The following TMEM131L variants were observed in gnomAD, a reference collection of about 807,000 sequenced individuals.
The protein encoded by TMEM131L is transmembrane protein 131-like.
In TMEM131L, 54 loss-of-function variants were observed where a neutral mutation model predicts 192.2. The observed-to-expected ratio is 0.28, with a 90% CI of 0.23 to 0.35. The LOEUF (loss-of-function observed/expected upper bound fraction) is 0.35, where lower values mean the gene tolerates loss of function less well. Among genes scored for constraint, TMEM131L ranks in the 10% least tolerant of loss-of-function variants. The probability of loss-of-function intolerance (pLI) is 1.00; values close to 1 mark genes in which losing one functional copy is unlikely to be tolerated. For synonymous variants in TMEM131L, 701 were observed against 704.9 expected, an observed-to-expected ratio of 0.99 and a Z score of 0.09; for missense variants, 1,888 against 1,972.9, an observed-to-expected ratio of 0.96 and a Z score of 0.82.
At chr4:153,504,558 G>C (rs763954513) in intron 3 of TMEM131L, among the ~76,000 whole-genome samples, 24 of 152,136 alleles carry the variant, frequency 1.6e-4, no homozygotes, top group Non-Finnish European at 3.2e-4. Flanking sequence ...AAAGTGCTGG[G>C]ATTACAGGCG....
chr4:153,532,341 G>A (rs1013151599), intron 3 of TMEM131L, among the ~76,000 whole-genome samples: 3 of 151,178 alleles, frequency 2.0e-5, no homozygotes, highest in Admixed American at 6.6e-5. Flanking sequence ...TGTGTGAGAA[G>A]ATGCATCTGT....
At chr4:153,498,107 G>GT (rs1287788853) in intron 3 of TMEM131L, among the ~76,000 whole-genome samples, 3 of 152,174 alleles carry the variant, frequency 2.0e-5, no homozygotes, top group African/African-American at 7.2e-5. Flanking sequence ...CTGAGTTTAT[G>GT]TAAGTTTGAG....
intron 2 of TMEM131L, among the ~76,000 whole-genome samples, chr4:153,467,711 C>G (rs1730862700): frequency 6.6e-6 from 1 of 152,210 alleles, no homozygotes; most frequent in Admixed American, 6.5e-5. Context: ...GGAGATGTGA[C>G]TCTCAAGGAT....
At position 153,593,875 on chromosome 4, in the gene TMEM131L, G is replaced by A; in HGVS notation, c.1995+4G>A. The A allele has an allele frequency of 6.2e-7, 1 of 1,603,238 alleles. No individual in the cohort carries two copies. On this transcript the variant is annotated splice_donor_region_variant and intron_variant, in intron 19 of 34. Transcript: ENST00000409959. ...CACCGAAGCTTGCCCTTACCTGGTA[G>A]GATGTTATCCTAAAACAGAAAAAAG... is the stretch of plus-strand genomic sequence containing the variant.
chr4:153,610,390 CTTTA>C (rs1337891914), intron 25 of TMEM131L, among the ~76,000 whole-genome samples: 1 of 152,074 alleles, frequency 6.6e-6, no homozygotes, highest in African/African-American at 2.4e-5. Flanking sequence ...TGCCATGATG[CTTTA>C]TTTTATTTAT....
chr4:153,548,450 G>A (rs1263024362), intron 3 of TMEM131L, among the ~76,000 whole-genome samples: 3 of 152,032 alleles, frequency 2.0e-5, no homozygotes, highest in Non-Finnish European at 4.4e-5. Flanking sequence ...GACTACAGGC[G>A]CCCGCCACCA....
chr4:153,599,946 GA>G (rs1426694583), intron 21 of TMEM131L, among the ~76,000 whole-genome samples: 1 of 152,172 alleles, frequency 6.6e-6, no homozygotes, highest in Non-Finnish European at 1.5e-5. Flanking sequence ...GCTGAGAGAG[GA>G]GAATCTCTTG....
At chr4:153,609,236 A>C (rs1406159129) in intron 25 of TMEM131L, among the ~76,000 whole-genome samples, 2 of 152,118 alleles carry the variant, frequency 1.3e-5, no homozygotes, top group Admixed American at 1.3e-4. Context: ...GTTATGGTGG[A>C]GGGGTAAAGG....
At chr4:153,629,416 C>T (rs1561260339) in intron 31 of TMEM131L, among the ~76,000 whole-genome samples, 3 of 152,194 alleles carry the variant, frequency 2.0e-5, no homozygotes. Context: ...GCAGATTTCC[C>T]TTCTGCATCA....
In TMEM131L at chr4:153,612,449, CTG is replaced by C. The variant is rs766189660; in HGVS notation, c.3567+53_3567+54del. ...TTAAAAACAAAATCCATTTTTAGGA[CTG>C]TGTATTAAGTGAATATGTGTATTTC... is the stretch of plus-strand genomic sequence containing the variant. On this transcript the variant is annotated intron_variant, in intron 26 of 34. Coordinates refer to ENST00000409959, the MANE Select transcript of TMEM131L (RefSeq NM_001131007.2). 1.1e-5 allele frequency: 16 copies of C among 1,414,346 alleles called. No individual in the cohort carries two copies. The African/African-American group carries it at 1.9e-4, about 17-fold the overall frequency. The allele number at this position is 1,414,346 out of a possible 1,614,324, so 87.6% of individuals were successfully genotyped here. A position where few individuals can be genotyped will look rare whatever the true frequency, so the allele number is the denominator to read the frequency against.
intron 3 of TMEM131L, among the ~76,000 whole-genome samples, chr4:153,524,963 T>C (rs901103924): frequency 6.6e-5 from 10 of 152,214 alleles, no homozygotes; most frequent in Non-Finnish European, 1.3e-4. Flanking sequence ...GTTCTAGGAA[T>C]GTTCCATGGA....
At chr4:153,547,615 GA>G (rs1163879472) in intron 3 of TMEM131L, among the ~76,000 whole-genome samples, 1 of 152,060 alleles carries the variant, frequency 6.6e-6, no homozygotes, top group Admixed American at 6.5e-5. Context: ...ATTTTACAGA[GA>G]ATAAGGTTAG....
At chr4:153,502,157 C>G (rs78611455) in intron 3 of TMEM131L, among the ~76,000 whole-genome samples, 3 of 152,032 alleles carry the variant, frequency 2.0e-5, no homozygotes, top group Non-Finnish European at 2.9e-5. Flanking sequence ...CTTCCCGGGC[C>G]GGTCTCCAAC....
At chr4:153,468,068 G>T (rs925053197) in intron 2 of TMEM131L, among the ~76,000 whole-genome samples, 2 of 152,196 alleles carry the variant, frequency 1.3e-5, no homozygotes, top group African/African-American at 4.8e-5. Context: ...CTTGTGTGCA[G>T]TACTTTTTAA....
Position 153,592,562 on chromosome 4 carries a change from C to T in TMEM131L, c.1900C>T (p.Leu634=), listed in dbSNP as rs772989113. Reference sequence around the variant, plus strand: ...CTCCTTGTACCCTAAACCCGAAGCCCTAGTGCACCTGCTCCACAGATGGTA... The same window carrying T: ...CTCCTTGTACCCTAAACCCGAAGCCTTAGTGCACCTGCTCCACAGATGGTA... ...PLSLYPKPEA[L]VHLLHRWFGT... Residue 634 remains leucine, a synonymous_variant, in exon 18 of 35, where the codon CTA becomes TTA. Coordinates refer to ENST00000409959, the MANE Select transcript of TMEM131L (RefSeq NM_001131007.2). The T allele has an allele frequency of 1.2e-6, 2 of 1,613,532 alleles. No individual in the cohort carries two copies. The highest frequency in any genetic ancestry group is 2.7e-5 in the African/African-American group (2 of 74,922).
chr4:153,619,842 T>C (rs1441302244), intron 26 of TMEM131L, among the ~76,000 whole-genome samples: 2 of 152,152 alleles, frequency 1.3e-5, no homozygotes, highest in Non-Finnish European at 2.9e-5. Context: ...CTTCAGTCAG[T>C]AGGAAGGGGA....
At position 153,532,984 on chromosome 4, in the gene TMEM131L, C is replaced by CTTTTTTTTTTTTTTT. The variant is rs70963190; in HGVS notation, c.240-17085_240-17071dup. Among the ~76,000 whole-genome samples, 137 of 129,666 alleles carry CTTTTTTTTTTTTTTT rather than the reference C, an allele frequency of 1.1e-3. 4 individuals carry two copies. Among genetic ancestry groups the CTTTTTTTTTTTTTTT allele is most frequent in the African/African-American group, 3.8e-3 (134 of 34,810 alleles). 85.1% of individuals were successfully genotyped at this position (129,666 alleles called of 152,430 possible). A position where few individuals can be genotyped will look rare whatever the true frequency, so the allele number is the denominator to read the frequency against. On this transcript the variant is annotated intron_variant, in intron 3 of 34. Transcript: ENST00000409959. ...TAGGGATTCTCTCTCTTTCTCAATT[C>CTTTTTTTTTTTTTTT]TTTTTTTTTTTTTTTTTTGAGACAG...
At position 153,587,805 on chromosome 4, in the gene TMEM131L, A is replaced by G. The variant is rs748004166; in HGVS notation, c.1546A>G (p.Lys516Glu). ...CATGCATTATTTCATGGGAAAATCAAAAGCAGGTAAGTATTTTGCCCTTAG... is the reference window on the plus strand; with the variant it reads ...CATGCATTATTTCATGGGAAAATCAGAAGCAGGTAAGTATTTTGCCCTTAG... ...CGMHYFMGKSKAGNPNWNGSL... is the reference protein window; with the variant it reads ...CGMHYFMGKSEAGNPNWNGSL... The change falls in exon 15 of 35, where the codon AAA becomes GAA. Residue 516 changes from lysine to glutamate, a missense_variant. Coordinates refer to ENST00000409959, the MANE Select transcript of TMEM131L (RefSeq NM_001131007.2). The G allele has an allele frequency of 6.2e-7, 1 of 1,612,284 alleles. No homozygotes were observed. The highest frequency in any genetic ancestry group is 1.1e-5 in the South Asian group (1 of 91,050).
At chr4:153,586,103 A>G (rs1283694636) in intron 13 of TMEM131L, 106 bp from the exon 14 acceptor site, 9 of 821,824 alleles carry the variant, frequency 1.1e-5, no homozygotes, top group Non-Finnish European at 1.6e-5. Context: ...ACTGAGTAAA[A>G]TCATACTTTC....
Sources: allele counts gnomAD v4.1 joint callset (sites outside exome capture counted in the v4.1 genomes callset), GRCh38; gene constraint gnomAD v4.1.1; transcripts MANE v1.5; gene names NCBI Gene and HGNC (gene_info 2026-07-23, HGNC 2026-07-21).